TMEM273: variants seen among roughly 807,000 people sequenced by gnomAD.
The protein encoded by TMEM273 is transmembrane protein 273.
In TMEM273, 19 loss-of-function variants were observed where a neutral mutation model predicts 17.9. That is an observed-to-expected ratio of 1.06 (90% confidence interval 0.74 to 1.55). TMEM273 has a LOEUF of 1.55. TMEM273 is among the 40% of genes most tolerant of loss of function. TMEM273 has a pLI of 0.00. For synonymous variants in TMEM273, 66 were observed against 62.0 expected (o/e 1.07, Z -0.31); for missense variants, 194 against 155.6 (o/e 1.25, Z -1.31).
In TMEM273 at chr10:49,166,923, GC is replaced by G; in HGVS notation, c.183del (p.Arg61SerfsTer11). The G allele has an allele frequency of 6.2e-7, 1 of 1,614,088 alleles. No homozygotes were observed. On this transcript the variant is annotated frameshift_variant, in exon 3 of 7. Coordinates refer to ENST00000374153, the MANE Select transcript of TMEM273 (RefSeq NM_001288740.3). LOFTEE classifies it high-confidence loss of function. The stretch of plus-strand genomic sequence containing the variant: ...TCGGAAGAGTCGTCGTCAAATAAGT[GC>G]CTCCTGATCATGCAGATCTTCAGGG... ...FLALKICMIR[R>X]HLFDDDSSDL...
rs1015765090 is a variant in TMEM273, at chr10:49,181,402, C to T, written c.43+6892G>A. Among the ~76,000 whole-genome samples, 9 of 152,154 alleles carry T rather than the reference C, an allele frequency of 5.9e-5. No individual in the cohort carries two copies. The East Asian group carries it at 9.6e-4, about 16-fold the overall frequency. ...TGGAAAGATAAAGGAAAGAGAAATG[C>T]GAAAAATCTTTTTTGAAAAGGAAGA... On this transcript the variant is annotated intron_variant, in intron 1 of 6. Transcript: ENST00000374153.
intron 5 of TMEM273, among the ~76,000 whole-genome samples, chr10:49,164,401 G>A (rs1846034192): frequency 6.6e-6 from 1 of 152,122 alleles, no homozygotes; most frequent in Admixed American, 6.5e-5. Context: ...CACCAGGCCT[G>A]AGTCTCTGTC....
chr10:49,162,764 C>G (rs550223555), intron 5 of TMEM273, among the ~76,000 whole-genome samples: 2 of 152,304 alleles, frequency 1.3e-5, no homozygotes, highest in South Asian at 4.2e-4. Flanking sequence ...CACAGCCCAT[C>G]CATTCAAAAC....
At chr10:49,161,307 G>C (rs971338217) in intron 6 of TMEM273, 4 of 490,608 alleles carry the variant, frequency 8.2e-6, no homozygotes, top group Non-Finnish European at 1.5e-5. Context: ...TCATAGGATA[G>C]GTCTTGGAGA....
intron 1 of TMEM273, among the ~76,000 whole-genome samples, chr10:49,179,931 T>C (rs1327637959): frequency 1.3e-5 from 2 of 152,144 alleles, no homozygotes; most frequent in Non-Finnish European, 1.5e-5. Flanking sequence ...CCCACCCTCA[T>C]CAACAGAGGC....
In TMEM273 at chr10:49,158,279, A is replaced by G. The variant is rs547276483; in HGVS notation, c.373-2370T>C. ...AATATGTAAATATAATGCAACCCCA[A>G]TTTAAATACCAGGATGTTTGCTTCT... On this transcript the variant is annotated intron_variant, in intron 6 of 6. Transcript: ENST00000374153. Among the ~76,000 whole-genome samples the G allele has an allele frequency of 3.3e-5, 5 of 151,962 alleles. No homozygotes were observed. In the East Asian group the frequency reaches 9.6e-4, roughly 29 times the overall value.
At chr10:49,156,766 T>C (rs559051340) in intron 6 of TMEM273, among the ~76,000 whole-genome samples, 1 of 152,174 alleles carries the variant, frequency 6.6e-6, no homozygotes, top group East Asian at 1.9e-4. Context: ...AGACAGCACA[T>C]ATTTGACTAC....
intron 1 of TMEM273, among the ~76,000 whole-genome samples, chr10:49,185,997 G>A (rs1157842166): frequency 6.8e-6 from 1 of 146,828 alleles, no homozygotes; most frequent in Non-Finnish European, 1.5e-5. Context: ...GAAGGAGGAG[G>A]AGGAAGAGGA....
In TMEM273 at chr10:49,188,375, G is replaced by A; in HGVS notation, c.-39C>T. 1 of 1,613,920 alleles carries A rather than the reference G, an allele frequency of 6.2e-7. No individual in the cohort carries two copies. Among genetic ancestry groups the A allele is most frequent in the Admixed American group, 1.7e-5 (1 of 60,016 alleles). ...TCTTGGCTCCTGGCTCCTGGCTGCT[G>A]GCAGCGCAGGCACAATGAGCCATGT... On this transcript the variant is annotated 5_prime_UTR_variant, in exon 1 of 7. Transcript: ENST00000374153.
At chr10:49,167,097 C>T (rs1564628904) in intron 2 of TMEM273, 88 bp from the exon 3 acceptor site, 4 of 1,535,356 alleles carry the variant, frequency 2.6e-6, no homozygotes, top group Non-Finnish European at 3.5e-6. Context: ...ATGCATGTGG[C>T]CCTTAACACA....
chr10:49,156,737 A>C (rs1845535222), intron 6 of TMEM273, among the ~76,000 whole-genome samples: 1 of 152,212 alleles, frequency 6.6e-6, no homozygotes, highest in Non-Finnish European at 1.5e-5. Context: ...GGGACAAGCC[A>C]CGTCAAAGGC....
intron 1 of TMEM273, among the ~76,000 whole-genome samples, chr10:49,185,203 T>C (rs1255066744): frequency 2.0e-5 from 3 of 152,242 alleles, no homozygotes; most frequent in Non-Finnish European, 2.9e-5. Flanking sequence ...ATTCAGAGTG[T>C]TGGCTCCATA....
rs919187716 is a variant in TMEM273 at position 49,155,893 on chromosome 10, C to T, written c.389G>A (p.Ter130=). 1.2e-6 allele frequency: 2 copies of T among 1,614,194 alleles called. No homozygotes were observed. Among genetic ancestry groups the T allele is most frequent in the African/African-American group, 2.7e-5 (2 of 75,058 alleles). Residue 130 remains the stop codon, a stop_retained_variant, in exon 7 of 7, where the codon TGA becomes TAA. Coordinates refer to ENST00000374153, the MANE Select transcript of TMEM273 (RefSeq NM_001288740.3). The stretch of plus-strand genomic sequence containing the variant: ...TTCACGTCACTGCTCACCTACAGCT[C>T]AATCACCTGTGCATCTCTGGAAAGG... ...QFLQKRCTGD[*]
intron 1 of TMEM273, among the ~76,000 whole-genome samples, chr10:49,173,867 G>C (rs1024920181): frequency 6.6e-6 from 1 of 152,168 alleles, no homozygotes; most frequent in Admixed American, 6.5e-5. Flanking sequence ...GACAAGGGGG[G>C]GCGATAGCGT....
chr10:49,178,425 T>A (rs1445231647), intron 1 of TMEM273: 2 of 398,282 alleles, frequency 5.0e-6, no homozygotes, highest in Non-Finnish European at 1.0e-5. Flanking sequence ...GTGGTGACAG[T>A]ACAGAGGGGA....
Position 49,188,175 on chromosome 10 carries a change from C to T in TMEM273, c.43+119G>A, listed in dbSNP as rs536866621. On this transcript the variant is annotated intron_variant, in intron 1 of 6. Coordinates refer to ENST00000374153, the MANE Select transcript of TMEM273 (RefSeq NM_001288740.3). Reference sequence around the variant, plus strand: ...ACTACCAGATCAAAGTGAGAAACATCATCTGTGTAAAGGGACAGAGTTATG... The same window carrying T: ...ACTACCAGATCAAAGTGAGAAACATTATCTGTGTAAAGGGACAGAGTTATG... The T allele has an allele frequency of 8.7e-5, 98 of 1,121,342 alleles. 1 individual carries two copies. The African/African-American group carries it at 1.5e-3, about 17-fold the overall frequency. The allele number at this position is 1,121,342 out of a possible 1,614,324, so 69.5% of individuals were successfully genotyped here. A position where few individuals can be genotyped will look rare whatever the true frequency, so the allele number is the denominator to read the frequency against.
At chr10:49,171,311 G>C (rs573525703) in intron 1 of TMEM273, among the ~76,000 whole-genome samples, 3 of 104,436 alleles carry the variant, frequency 2.9e-5, no homozygotes, top group Admixed American at 2.2e-4. Flanking sequence ...CACTGGGCAG[G>C]GTCAGAGAGC....
At chr10:49,187,029 G>T (rs2132317878) in intron 1 of TMEM273, among the ~76,000 whole-genome samples, 1 of 152,258 alleles carries the variant, frequency 6.6e-6, no homozygotes, top group African/African-American at 2.4e-5. Context: ...TATATAATTT[G>T]CACATTTTTC....
At chr10:49,168,824 A>T (rs1846370350) in intron 1 of TMEM273, among the ~76,000 whole-genome samples, 1 of 152,172 alleles carries the variant, frequency 6.6e-6, no homozygotes, top group Non-Finnish European at 1.5e-5. Context: ...CTGCTCACAA[A>T]CAGCGCCCTA....
Sources: gnomAD v4.1 joint callset for allele counts (sites outside exome capture counted in the v4.1 genomes callset) on GRCh38, gnomAD v4.1.1 for gene constraint, MANE v1.5 for transcripts, NCBI Gene and HGNC (gene_info 2026-07-23, HGNC 2026-07-21) for gene names.